The following PDE1C variants were observed in gnomAD, a reference collection of about 807,000 sequenced individuals.
PDE1C encodes dual specificity calcium/calmodulin-dependent 3',5'-cyclic nucleotide phosphodiesterase 1C.
In PDE1C, 62 loss-of-function variants were observed where a neutral mutation model predicts 93.1. That is an observed-to-expected ratio of 0.67 (90% CI 0.54 to 0.82). PDE1C has a LOEUF of 0.82. PDE1C is among the 40% of genes least tolerant of loss of function. PDE1C has a pLI of 0.00. For synonymous variants in PDE1C, 325 were observed against 310.1 expected, an observed-to-expected ratio of 1.05 and a Z score of -0.50; for missense variants, 742 against 884.6, an observed-to-expected ratio of 0.84 and a Z score of 2.04.
rs181730098 is a variant in PDE1C at position 32,321,616 on chromosome 7, A to C, written c.310+106206T>G. 2.6e-5 allele frequency among the ~76,000 whole-genome samples: 4 copies of C among 152,328 alleles called. No individual in the cohort carries two copies. In the East Asian group the frequency reaches 7.7e-4, roughly 29 times the overall value. On this transcript the variant is annotated intron_variant, in intron 1 of 1. Transcript: ENST00000672256. ...TTAATTAAAATCCATTATATTCCTA[A>C]AACTTCAGCAGACACTGGGGAGGAG...
intron 2 of PDE1C, among the ~76,000 whole-genome samples, chr7:31,903,253 T>A (rs1301527133): frequency 6.6e-6 from 1 of 151,948 alleles, no homozygotes; most frequent in East Asian, 1.9e-4. Context: ...TACTACATAA[T>A]ATTGTTTTAA....
chr7:32,070,826 G>C, upstream of PDE1C: 1 of 987,794 alleles, frequency 1.0e-6, no homozygotes, highest in Non-Finnish European at 1.2e-6. Context: ...AAAGTGAGAA[G>C]GGAGAGAAAA....
chr7:32,378,156 T>C (rs991343233), intron 1 of PDE1C, among the ~76,000 whole-genome samples: 1 of 152,210 alleles, frequency 6.6e-6, no homozygotes, highest in Non-Finnish European at 1.5e-5. Context: ...CTGTGTTTTA[T>C]GTCAGCCCCC....
the PDE1C span, among the ~76,000 whole-genome samples, chr7:31,739,688 A>G: frequency 6.6e-6 from 1 of 152,088 alleles, no homozygotes; most frequent in Admixed American, 6.5e-5. Flanking sequence ...GGTCCTCCTT[A>G]TGGTCACGTA....
intron 2 of PDE1C, among the ~76,000 whole-genome samples, chr7:31,902,275 G>C (rs1800078664): frequency 6.6e-6 from 1 of 151,084 alleles, no homozygotes; most frequent in Non-Finnish European, 1.5e-5. Context: ...ATATAAAAAG[G>C]AAATGAAAAA....
At chr7:32,363,794 C>T (rs1042523425) in intron 1 of PDE1C, among the ~76,000 whole-genome samples, 2 of 152,218 alleles carry the variant, frequency 1.3e-5, no homozygotes, top group African/African-American at 4.8e-5. Context: ...ATGGCAAGAT[C>T]AGCACTTCCC....
At chr7:31,675,347 T>C in the PDE1C span, among the ~76,000 whole-genome samples, 1 of 152,144 alleles carries the variant, frequency 6.6e-6, no homozygotes, top group African/African-American at 2.4e-5. Flanking sequence ...TTCTGGAGGC[T>C]CAACCTAGAT....
At chr7:32,175,412 T>C (rs1022259074) in intron 2 of PDE1C, among the ~76,000 whole-genome samples, 2 of 152,234 alleles carry the variant, frequency 1.3e-5, no homozygotes, top group African/African-American at 2.4e-5. Context: ...TAAAATGCTT[T>C]ATTGCTGAAA....
intron 1 of PDE1C, among the ~76,000 whole-genome samples, chr7:32,309,399 A>T (rs1403553752): frequency 6.6e-6 from 1 of 152,168 alleles, no homozygotes; most frequent in African/African-American, 2.4e-5. Flanking sequence ...ATACAGAGAA[A>T]GCCACAAAGA....
the PDE1C span, chr7:31,653,734 T>C: frequency 6.6e-6 from 1 of 152,218 alleles, no homozygotes; most frequent in South Asian, 2.1e-4. Flanking sequence ...GGTCCTGAGG[T>C]TTATTTTCCT....
Position 32,041,778 on chromosome 7 carries a change from T to A in PDE1C, c.128+9776A>T, listed in dbSNP as rs182309942. On this transcript the variant is annotated intron_variant, in intron 2 of 17. Coordinates refer to ENST00000396191, the MANE Select transcript of PDE1C (RefSeq NM_001191057.4). ...TTCAATCACATTACTTAAATATAGC[T>A]TGTTGTTTTTTTGTTAAGTCTTCAT... Among the ~76,000 whole-genome samples the A allele has an allele frequency of 2.0e-4, 30 of 152,234 alleles. No individual in the cohort carries two copies. In the East Asian group the frequency reaches 5.8e-3, roughly 29 times the overall value.
chr7:31,778,238 A>C (rs1783146578), intron 16 of PDE1C, among the ~76,000 whole-genome samples: 1 of 152,200 alleles, frequency 6.6e-6, no homozygotes, highest in African/African-American at 2.4e-5. Context: ...TCTTACACAA[A>C]GAATGGTGGA....
intron 16 of PDE1C, among the ~76,000 whole-genome samples, chr7:31,804,980 G>A (rs1179087468): frequency 1.3e-5 from 2 of 151,804 alleles, no homozygotes; most frequent in Middle Eastern, 3.2e-3. Flanking sequence ...TGTGTCATGG[G>A]AGGGACCCTC....
At chr7:31,885,032 T>C (rs1250264293) in intron 2 of PDE1C, among the ~76,000 whole-genome samples, 5 of 152,150 alleles carry the variant, frequency 3.3e-5, no homozygotes, top group Non-Finnish European at 7.4e-5. Context: ...TGTGAATCCA[T>C]TCCATCTAAA....
At chr7:31,908,034 C>T (rs536895240) in intron 2 of PDE1C, among the ~76,000 whole-genome samples, 1 of 152,112 alleles carries the variant, frequency 6.6e-6, no homozygotes, top group East Asian at 1.9e-4. Context: ...AGTATTTACA[C>T]AATGATTGAA....
At chr7:32,258,041 T>C (rs1392239093) in intron 1 of PDE1C, among the ~76,000 whole-genome samples, 1 of 152,232 alleles carries the variant, frequency 6.6e-6, no homozygotes, top group Admixed American at 6.5e-5. Context: ...CAGGTTTCTC[T>C]GCAGAGTTTC....
Position 31,838,576 on chromosome 7 carries a change from C to T in PDE1C, c.981-605G>A, listed in dbSNP as rs374032010. Among the ~76,000 whole-genome samples the T allele has an allele frequency of 3.3e-5, 5 of 152,228 alleles. 1 individual carries two copies. The highest frequency in any genetic ancestry group is 6.5e-5 in the Admixed American group (1 of 15,288). ...ATTAAGGTTCACTGGGCATGCTGTA[C>T]AGTTCTACCAGTTTTGACAAATGCA... On this transcript the variant is annotated intron_variant, in intron 9 of 17. Transcript: ENST00000396191.
chr7:31,973,862 T>C (rs1198269288), intron 2 of PDE1C, among the ~76,000 whole-genome samples: 3 of 152,206 alleles, frequency 2.0e-5, no homozygotes, highest in Non-Finnish European at 4.4e-5. Context: ...TTTAGTAGTA[T>C]AGAATCAACA....
chr7:31,760,759 TACACACACACACACAC>T (rs10573498), intron 17 of PDE1C, among the ~76,000 whole-genome samples: 4 of 148,690 alleles, frequency 2.7e-5, no homozygotes, highest in South Asian at 2.2e-4. Flanking sequence ...CTGCAATGTG[TACACACACACACACAC>T]ACACACACAC....
Sources: gnomAD v4.1 joint callset for allele counts (sites outside exome capture counted in the v4.1 genomes callset) on GRCh38, gnomAD v4.1.1 for gene constraint, MANE v1.5 for transcripts, NCBI Gene and HGNC (gene_info 2026-07-23, HGNC 2026-07-21) for gene names.